Variants in L3MBTL3 observed in about 807,000 individuals in gnomAD.
L3MBTL3 encodes the protein L3MBTL histone methyl-lysine binding protein 3.
L3MBTL3 carries 27 observed loss-of-function variants against 102.3 expected under a neutral mutation model. That is an observed-to-expected ratio of 0.26 (90% confidence interval 0.19 to 0.36). The LOEUF is 0.36. Among genes scored for constraint, L3MBTL3 ranks in the 10% least tolerant of loss-of-function variants. L3MBTL3 has a pLI of 1.00. For missense variants in L3MBTL3, 798 were observed against 955.3 expected (o/e 0.84, Z 2.17); for synonymous variants, 340 against 320.9 (o/e 1.06, Z -0.64).
chr6:130,098,813 G>T (rs546032034), intron 18 of L3MBTL3, among the ~76,000 whole-genome samples: 1 of 151,652 alleles, frequency 6.6e-6, no homozygotes, highest in African/African-American at 2.4e-5. Context: ...TAACTGCTGG[G>T]CATTCATGCA....
At chr6:130,048,037 A>G (rs757805861) in intron 3 of L3MBTL3, among the ~76,000 whole-genome samples, 8 of 152,186 alleles carry the variant, frequency 5.3e-5, no homozygotes, top group East Asian at 1.9e-4. Context: ...AAACCATTTA[A>G]TAATTGTGGA....
At chr6:130,116,264 A>C (rs952362606) in intron 19 of L3MBTL3, among the ~76,000 whole-genome samples, 1 of 152,152 alleles carries the variant, frequency 6.6e-6, no homozygotes, top group African/African-American at 2.4e-5. Flanking sequence ...ACATTATTTT[A>C]TTTCATTCTT....
intron 7 of L3MBTL3, among the ~76,000 whole-genome samples, 162 bp downstream of exon 7, chr6:130,053,153 C>G (rs1040746852): frequency 6.6e-6 from 1 of 151,406 alleles, no homozygotes; most frequent in African/African-American, 2.4e-5. Flanking sequence ...CCTTGCTGTC[C>G]TGATCTCAAA....
At chr6:130,118,126 T>C (rs1785856582) in intron 19 of L3MBTL3, among the ~76,000 whole-genome samples, 1 of 152,144 alleles carries the variant, frequency 6.6e-6, no homozygotes, top group African/African-American at 2.4e-5. Context: ...ACAAAAAGCA[T>C]GTTTCCCTTA....
At chr6:130,121,402 G>T (rs957339250) in intron 20 of L3MBTL3, among the ~76,000 whole-genome samples, 1 of 152,154 alleles carries the variant, frequency 6.6e-6, no homozygotes, top group African/African-American at 2.4e-5. Context: ...CAGAAGACAT[G>T]ATCTCATTCT....
At position 130,078,585 on chromosome 6, in the gene L3MBTL3, T is replaced by A; in HGVS notation, c.1272T>A (p.His424Gln). 6.2e-7 allele frequency: 1 copy of A among 1,612,432 alleles called. No homozygotes were observed. The highest frequency in any genetic ancestry group is 8.5e-7 in the Non-Finnish European group (1 of 1,178,768). The part of the protein sequence containing the change: ...YWCEASSPHI[H>Q]PVGWCKEHRR... ...GTGAAGCATCAAGTCCACATATTCATCCAGTTGGTTGGTGTAAGGAACATA... is the reference window on the plus strand; with the variant it reads ...GTGAAGCATCAAGTCCACATATTCAACCAGTTGGTTGGTGTAAGGAACATA... The change falls in exon 14 of 23, where the codon CAT becomes CAA. Residue 424 changes from histidine to glutamine, a missense_variant. Physicochemically the swap from His to Gln is conservative, Grantham distance 24. Coordinates refer to ENST00000361794, the MANE Select transcript of L3MBTL3 (RefSeq NM_032438.4).
chr6:130,045,922 CT>C lies in L3MBTL3; in HGVS notation c.102+3125del, dbSNP rs370294165. Among the ~76,000 whole-genome samples, 242 of 152,340 alleles carry C rather than the reference CT, an allele frequency of 1.6e-3. 3 individuals carry two copies. The highest frequency in any genetic ancestry group is 5.6e-3 in the African/African-American group (234 of 41,576). On this transcript the variant is annotated intron_variant, in intron 3 of 22. Coordinates refer to ENST00000361794, the MANE Select transcript of L3MBTL3 (RefSeq NM_032438.4). ...TGAAAATATTATAGTCATTAAAACACTTTTGCCTAAGCAAGCTTTGGAAACT... is the reference window on the plus strand; with the variant it reads ...TGAAAATATTATAGTCATTAAAACACTTTGCCTAAGCAAGCTTTGGAAACT...
chr6:130,037,500 TGA>T (rs958193043), intron 2 of L3MBTL3, among the ~76,000 whole-genome samples: 7 of 152,288 alleles, frequency 4.6e-5, no homozygotes, highest in East Asian at 1.9e-4. Flanking sequence ...ACCTGTTTAG[TGA>T]GAGAGAAGTC....
intron 20 of L3MBTL3, among the ~76,000 whole-genome samples, chr6:130,132,066 ATGTTTGTAATAGCAC>A (rs1455084199): frequency 2.0e-5 from 3 of 152,142 alleles, no homozygotes; most frequent in Non-Finnish European, 4.4e-5. Flanking sequence ...CTGTACAAGA[ATGTTTGTAATAGCAC>A]TGTTTGTAAT....
At chr6:130,109,742 TG>T (rs1270003267) in intron 19 of L3MBTL3, among the ~76,000 whole-genome samples, 1 of 152,232 alleles carries the variant, frequency 6.6e-6, no homozygotes, top group Non-Finnish European at 1.5e-5. Context: ...TGGCTTTTGT[TG>T]CAGTTGCTTT....
intron 11 of L3MBTL3, among the ~76,000 whole-genome samples, chr6:130,067,635 T>C (rs1291965683): frequency 6.6e-6 from 1 of 152,116 alleles, no homozygotes; most frequent in African/African-American, 2.4e-5. Flanking sequence ...AAAAAGAAAA[T>C]CTGTAAGCCT....
At chr6:130,101,529 G>A (rs1049564571) in intron 18 of L3MBTL3, among the ~76,000 whole-genome samples, 7 of 152,094 alleles carry the variant, frequency 4.6e-5, no homozygotes, top group African/African-American at 1.7e-4. Context: ...GCTGCCATCC[G>A]GGCTTTCCAT....
At position 130,108,220 on chromosome 6, in the gene L3MBTL3, G is replaced by GTTTTTTTTT. The variant is rs376419261; in HGVS notation, c.1886+3647_1886+3655dup. Among the ~76,000 whole-genome samples the GTTTTTTTTT allele has an allele frequency of 6.7e-4, 80 of 118,708 alleles. 19 individuals are homozygous for GTTTTTTTTT. Among genetic ancestry groups the GTTTTTTTTT allele is most frequent in the South Asian group, 1.1e-3 (4 of 3,782 alleles). 77.9% of individuals were successfully genotyped at this position (118,708 alleles called of 152,430 possible). A position where few individuals can be genotyped will look rare whatever the true frequency, so the allele number is the denominator to read the frequency against. On this transcript the variant is annotated intron_variant, in intron 19 of 22. Transcript: ENST00000361794. Reference sequence around the variant, plus strand: ...ATAAGCCCTCAATAAATGTTAGGTGGTTTTTTTTTTGTTTTTTTTTTTTTT... The same window carrying GTTTTTTTTT: ...ATAAGCCCTCAATAAATGTTAGGTGGTTTTTTTTTTTTTTTTTTTGTTTTTTTTTTTTTT...
At chr6:130,138,133 T>C (rs183041177) in intron 22 of L3MBTL3, 195 of 152,358 alleles carry the variant, frequency 1.3e-3, no homozygotes, top group Middle Eastern at 6.8e-3. Context: ...TACAGGTCTT[T>C]CATTTTTAAA....
chr6:130,019,997 CGGCGGCGGCCGCGCCGG>C (rs1351289223), intron 1 of L3MBTL3, among the ~76,000 whole-genome samples: 1 of 88,010 alleles, frequency 1.1e-5, no homozygotes. Flanking sequence ...GCGGTCGCGG[CGGCGGCGGCCGCGCCGG>C]GGCGGCGGGC....
rs761013559 is a variant in L3MBTL3 at position 130,049,288 on chromosome 6, G to A, written c.109G>A (p.Val37Ile). ...TCTGCTGTGTTGTTGCTAGTTTCGG[G>A]TAAATGAGTTTGGAGCCCTGGAAGT... ...TLPGSDLKFRVNEFGALEVIT... is the reference protein window; with the variant it reads ...TLPGSDLKFRINEFGALEVIT... Residue 37 changes from valine to isoleucine, a missense_variant, in exon 4 of 23, where the codon GTA becomes ATA. By Grantham distance (29) the Val-to-Ile change is conservative. This residue lies in a region of L3MBTL3 where 434 missense variants were observed against 506.6 expected (regional missense o/e 0.86). Transcript: ENST00000361794. 5.0e-6 allele frequency: 8 copies of A among 1,608,680 alleles called. No homozygotes were observed. The highest frequency in any genetic ancestry group is 1.7e-4 in the Middle Eastern group (1 of 6,040).
chr6:130,081,688 A>G (rs551768915), intron 14 of L3MBTL3, among the ~76,000 whole-genome samples: 116 of 151,804 alleles, frequency 7.6e-4, no homozygotes, highest in Non-Finnish European at 1.4e-3. Context: ...GCCTCCCAAA[A>G]TGCTGGGATT....
chr6:130,140,484 A>T lies in L3MBTL3; in HGVS notation c.*731A>T, dbSNP rs1329018760. The T allele has an allele frequency of 1.3e-5, 2 of 152,624 alleles. No homozygotes were observed. Among genetic ancestry groups the T allele is most frequent in the Non-Finnish European group, 2.9e-5 (2 of 68,042 alleles). 9.5% of individuals were successfully genotyped at this position (152,624 alleles called of 1,614,324 possible). On this transcript the variant is annotated 3_prime_UTR_variant, in exon 23 of 23. Coordinates refer to ENST00000361794, the MANE Select transcript of L3MBTL3 (RefSeq NM_032438.4). ...TTGAAAAATAAAATATATAAACATAAATAAATTAGGTAGTGTATTTTGAGT... is the reference window on the plus strand; with the variant it reads ...TTGAAAAATAAAATATATAAACATATATAAATTAGGTAGTGTATTTTGAGT...
At chr6:130,089,748 A>G (rs1783918138) in intron 16 of L3MBTL3, among the ~76,000 whole-genome samples, 1 of 151,952 alleles carries the variant, frequency 6.6e-6, no homozygotes, top group African/African-American at 2.4e-5. Context: ...ACTTTTTAAT[A>G]ATTGCCATTC....
Sources: gnomAD v4.1 joint callset for allele counts (sites outside exome capture counted in the v4.1 genomes callset) on GRCh38, gnomAD v4.1.1 for gene constraint, gnomAD v4.1.1 regional missense constraint, MANE v1.5 for transcripts, NCBI Gene and HGNC (gene_info 2026-07-23, HGNC 2026-07-21) for gene names.